The following TMCC1 variants were observed in gnomAD, a reference collection of about 807,000 sequenced individuals.
TMCC1 encodes the protein transmembrane and coiled-coil domains protein 1.
Under a neutral mutation model 52.4 loss-of-function variants are expected in TMCC1, and 15 were observed. That is an observed-to-expected ratio of 0.29 (90% CI 0.19 to 0.44). TMCC1 has a LOEUF of 0.44. Among genes scored for constraint, TMCC1 ranks in the 20% least tolerant of loss-of-function variants. The pLI, the probability that TMCC1 is intolerant of heterozygous loss-of-function variation, is 1.00. For synonymous variants in TMCC1, 279 were observed against 301.9 expected, an observed-to-expected ratio of 0.92 and a Z score of 0.79; for missense variants, 503 against 806.0, an observed-to-expected ratio of 0.62 and a Z score of 4.55.
chr3:129,689,267 A>G (rs1001327029), intron 4 of TMCC1, among the ~76,000 whole-genome samples: 1 of 152,172 alleles, frequency 6.6e-6, no homozygotes, highest in Non-Finnish European at 1.5e-5. Context: ...CACACTATTT[A>G]CTGAACACCC....
At chr3:129,842,240 C>T (rs1253128649) in intron 2 of TMCC1, among the ~76,000 whole-genome samples, 1 of 152,034 alleles carries the variant, frequency 6.6e-6, no homozygotes, top group Non-Finnish European at 1.5e-5. Context: ...CTGGGGTGGG[C>T]AGATCACTTG....
rs975855069 is a variant in TMCC1, at chr3:129,792,045, T to G, written c.576+35758A>C. On this transcript the variant is annotated intron_variant, in intron 4 of 6. Transcript: ENST00000393238. Reference sequence around the variant, plus strand: ...TTTAAAGATGGTCACATCAGTACTTTCTTTTTGTTAAAACAGGAAATTGTT... The same window carrying G: ...TTTAAAGATGGTCACATCAGTACTTGCTTTTTGTTAAAACAGGAAATTGTT... 2.6e-5 allele frequency among the ~76,000 whole-genome samples: 4 copies of G among 152,244 alleles called. No homozygotes were observed. The East Asian group carries it at 5.8e-4, about 22-fold the overall frequency.
chr3:129,696,748 C>T (rs2047442469), intron 4 of TMCC1, among the ~76,000 whole-genome samples: 1 of 152,324 alleles, frequency 6.6e-6, no homozygotes, highest in Non-Finnish European at 1.5e-5. Flanking sequence ...TACACCCATT[C>T]CACATGGGAG....
chr3:129,772,722 CAAAAAAAAAAA>C (rs34785535), intron 4 of TMCC1, among the ~76,000 whole-genome samples: 1 of 76,190 alleles, frequency 1.3e-5, no homozygotes, highest in Non-Finnish European at 2.5e-5. Flanking sequence ...GACTCCGCCT[CAAAAAAAAAAA>C]AAAAAAAAAA....
intron 4 of TMCC1, among the ~76,000 whole-genome samples, chr3:129,803,418 T>C (rs1362652499): frequency 6.6e-6 from 1 of 152,226 alleles, no homozygotes; most frequent in Non-Finnish European, 1.5e-5. Context: ...TGAAAAAATT[T>C]TGGAAATCTG....
Position 129,778,014 on chromosome 3 carries a change from T to C in TMCC1, c.576+49789A>G, listed in dbSNP as rs559746897. Among the ~76,000 whole-genome samples, 3 of 152,294 alleles carry C rather than the reference T, an allele frequency of 2.0e-5. No homozygotes were observed. In the South Asian group the frequency reaches 6.2e-4, roughly 32 times the overall value. Reference sequence around the variant, plus strand: ...TCTGCTTCGGTTGTTGCCTAAACTCTAGTGATCAAGGCTCCAGTGATATCT... The same window carrying C: ...TCTGCTTCGGTTGTTGCCTAAACTCCAGTGATCAAGGCTCCAGTGATATCT... On this transcript the variant is annotated intron_variant, in intron 4 of 6. Transcript: ENST00000393238.
At chr3:129,768,653 C>T (rs2054312955) in intron 4 of TMCC1, among the ~76,000 whole-genome samples, 1 of 152,208 alleles carries the variant, frequency 6.6e-6, no homozygotes, top group East Asian at 1.9e-4. Context: ...GAATGAAATA[C>T]ATCCCACAAG....
At chr3:129,872,034 T>C (rs1313488704) in intron 2 of TMCC1, among the ~76,000 whole-genome samples, 2 of 152,248 alleles carry the variant, frequency 1.3e-5, no homozygotes, top group Non-Finnish European at 2.9e-5. Context: ...CTAAGGTCTT[T>C]AGAGAAAATT....
At chr3:129,748,535 GCCTCAGCCTCCCAAAGTGCTGGGATTAC>G (rs1209131960) in intron 4 of TMCC1, among the ~76,000 whole-genome samples, 1 of 152,102 alleles carries the variant, frequency 6.6e-6, no homozygotes, top group African/African-American at 2.4e-5. Flanking sequence ...CAATCCACCT[GCCTCAGCCTCCCAAAGTGCTGGGATTAC>G]AGGTGTGAGC....
intron 4 of TMCC1, among the ~76,000 whole-genome samples, chr3:129,767,322 A>AATTCAT (rs1212834828): frequency 6.6e-6 from 1 of 151,992 alleles, no homozygotes; most frequent in East Asian, 1.9e-4. Context: ...AAAGTATACA[A>AATTCAT]TTCAACAACT....
intron 2 of TMCC1, among the ~76,000 whole-genome samples, chr3:129,872,860 T>G (rs2060994816): frequency 6.6e-6 from 1 of 152,188 alleles, no homozygotes; most frequent in Non-Finnish European, 1.5e-5. Flanking sequence ...AAATTATTAC[T>G]TCCATTATTT....
chr3:129,664,592 A>G (rs1404576735), intron 5 of TMCC1, among the ~76,000 whole-genome samples: 1 of 152,212 alleles, frequency 6.6e-6, no homozygotes, highest in Non-Finnish European at 1.5e-5. Context: ...TCAAAATGGC[A>G]TTAATGCTCA....
In TMCC1 at chr3:129,676,948, A is replaced by G. The variant is rs1329304510; in HGVS notation, c.577-5684T>C. On this transcript the variant is annotated intron_variant, in intron 4 of 6. Transcript: ENST00000393238. ...TGTACGTTCATTAATCAAAATCCAA[A>G]TACCTATTTGTAACTAGAAAAAATT... 3.9e-5 allele frequency among the ~76,000 whole-genome samples: 6 copies of G among 152,120 alleles called. No homozygotes were observed. The East Asian group carries it at 1.2e-3, about 29-fold the overall frequency.
chr3:129,684,326 C>T (rs1343127068), intron 4 of TMCC1, among the ~76,000 whole-genome samples: 1 of 152,194 alleles, frequency 6.6e-6, no homozygotes, highest in Non-Finnish European at 1.5e-5. Flanking sequence ...GCTTAAGCCT[C>T]TGTGAGGGAA....
chr3:129,751,983 G>C (rs1265481249), intron 4 of TMCC1, among the ~76,000 whole-genome samples: 1 of 152,142 alleles, frequency 6.6e-6, no homozygotes, highest in Non-Finnish European at 1.5e-5. Context: ...GAACCTAATT[G>C]CTTTAAATGT....
chr3:129,792,046 CTTTT>C (rs777019860), intron 4 of TMCC1, among the ~76,000 whole-genome samples: 71 of 152,162 alleles, frequency 4.7e-4, no homozygotes, highest in African/African-American at 1.5e-3. Context: ...TCAGTACTTT[CTTTT>C]TGTTAAAACA....
chr3:129,697,379 GACC>G (rs910659065), intron 4 of TMCC1, among the ~76,000 whole-genome samples: 1 of 152,202 alleles, frequency 6.6e-6, no homozygotes, highest in Non-Finnish European at 1.5e-5. Flanking sequence ...CTGGGATGCA[GACC>G]ACCAAACCTG....
chr3:129,785,060 T>C lies in TMCC1; in HGVS notation c.576+42743A>G, dbSNP rs1020883282. Reference sequence around the variant, plus strand: ...CTGAGACCTCAAGAAAGTGGGAAAGTAATCCAATACAAATATTTGGAGGAA... The same window carrying C: ...CTGAGACCTCAAGAAAGTGGGAAAGCAATCCAATACAAATATTTGGAGGAA... On this transcript the variant is annotated intron_variant, in intron 4 of 6. Transcript: ENST00000393238. Among the ~76,000 whole-genome samples, 5 of 152,150 alleles carry C rather than the reference T, an allele frequency of 3.3e-5. No homozygotes were observed. In the East Asian group the frequency reaches 5.8e-4, roughly 18 times the overall value.
chr3:129,835,311 G>A (rs549959341), intron 2 of TMCC1, among the ~76,000 whole-genome samples: 97 of 150,038 alleles, frequency 6.5e-4, no homozygotes, highest in Non-Finnish European at 9.3e-4. Flanking sequence ...ATTCAGTCAC[G>A]GTTTCTCTCA....
Sources: gnomAD v4.1 joint callset for allele counts (sites outside exome capture counted in the v4.1 genomes callset) on GRCh38, gnomAD v4.1.1 for gene constraint, MANE v1.5 for transcripts, NCBI Gene and HGNC (gene_info 2026-07-23, HGNC 2026-07-21) for gene names.